The following ACTN1 variants were observed in gnomAD, a reference collection of about 807,000 sequenced individuals.
ACTN1 encodes alpha-actinin-1.
Under a neutral mutation model 119.6 loss-of-function variants are expected in ACTN1, and 30 were observed. That is an observed-to-expected ratio of 0.25 (90% CI 0.19 to 0.34). The LOEUF is 0.34. Ranked by LOEUF, ACTN1 falls within the 10% of genes least tolerant of loss-of-function variation. The pLI is 1.00. For synonymous variants in ACTN1, 429 were observed against 472.6 expected (o/e 0.91, Z 1.20); for missense variants, 764 against 1,223.4 (o/e 0.62, Z 5.60).
chr14:68,975,405 C>T (rs10143111), intron 1 of ACTN1, among the ~76,000 whole-genome samples: 3,069 of 152,218 alleles, frequency 0.02, 74 homozygotes, highest in African/African-American at 0.059. Flanking sequence ...CATATCTGCT[C>T]GCATCAAGCC....
At chr14:68,961,707 A>T (rs187460247) in intron 1 of ACTN1, among the ~76,000 whole-genome samples, 2 of 152,288 alleles carry the variant, frequency 1.3e-5, no homozygotes, top group East Asian at 3.9e-4. Flanking sequence ...TACCCCCGAC[A>T]TGTTCTGATC....
intron 1 of ACTN1, among the ~76,000 whole-genome samples, chr14:68,927,669 G>A (rs12434957): frequency 0.065 from 9,898 of 152,260 alleles, 417 homozygotes; most frequent in South Asian, 0.15. Flanking sequence ...GAAAGAGGAC[G>A]CAGCAGGACA....
intron 11 of ACTN1, chr14:68,888,088 G>T (rs2032172504): frequency 1.5e-6 from 1 of 684,802 alleles, no homozygotes; most frequent in South Asian, 1.4e-5. Context: ...TGGGCATCCT[G>T]GCGGCAGGGA....
chr14:68,903,506 C>A (rs1405311334), intron 7 of ACTN1, among the ~76,000 whole-genome samples: 1 of 150,286 alleles, frequency 6.7e-6, no homozygotes, highest in African/African-American at 2.4e-5. Context: ...CACAGCACTC[C>A]AGCCTGGGTG....
chr14:68,926,253 TA>T (rs2034919191), intron 1 of ACTN1, among the ~76,000 whole-genome samples: 1 of 152,138 alleles, frequency 6.6e-6, no homozygotes, highest in African/African-American at 2.4e-5. Flanking sequence ...TGGGTGGGGA[TA>T]GGGGCACCCT....
intron 9 of ACTN1, 43 bp downstream of exon 9, chr14:68,893,612 G>A (rs1211617507): frequency 1.3e-6 from 2 of 1,583,522 alleles, no homozygotes; most frequent in African/African-American, 1.3e-5. Flanking sequence ...CTAGGGGACT[G>A]ACTCTTGCTA....
At position 68,921,124 on chromosome 14, in the gene ACTN1, A is replaced by G. The variant is rs1566639029; in HGVS notation, c.222T>C (p.Gly74=). 3 of 1,613,972 alleles carry G rather than the reference A, an allele frequency of 1.9e-6. No homozygotes were observed. The highest frequency in any genetic ancestry group is 2.5e-6 in the Non-Finnish European group (3 of 1,179,934). The change falls in exon 3 of 22, where the codon GGT becomes GGC. Residue 74 remains glycine, a splice_region_variant and synonymous_variant. Coordinates refer to ENST00000394419, the MANE Select transcript of ACTN1 (RefSeq NM_001130004.2). ...KLMLLLEVIS[G]ERLAKPERGK... ...CTCGCTCTGGCTTGGCCAAGCGTTC[A>G]CCTGTTTGGATCAAGAGGGAGGAAG...
chr14:68,923,564 C>T (rs951417524), intron 2 of ACTN1, among the ~76,000 whole-genome samples: 3 of 152,020 alleles, frequency 2.0e-5, no homozygotes, highest in Non-Finnish European at 4.4e-5. Flanking sequence ...AATCCCAGCG[C>T]TTTGGGAGGC....
At position 68,934,819 on chromosome 14, in the gene ACTN1, T is replaced by C. The variant is rs575147808; in HGVS notation, c.106-9147A>G. Reference sequence around the variant, plus strand: ...CTATGTTACTATGAAAAAAACTGCTTATATATAATTAACCAAAAAAAGCAG... The same window carrying C: ...CTATGTTACTATGAAAAAAACTGCTCATATATAATTAACCAAAAAAAGCAG... On this transcript the variant is annotated intron_variant, in intron 1 of 21. Coordinates refer to ENST00000394419, the MANE Select transcript of ACTN1 (RefSeq NM_001130004.2). Among the ~76,000 whole-genome samples, 108 of 152,256 alleles carry C rather than the reference T, an allele frequency of 7.1e-4. 2 individuals carry two copies. In the South Asian group the frequency reaches 0.022, roughly 31 times the overall value.
At chr14:68,884,427 G>C in intron 13 of ACTN1, 119 bp from the exon 14 acceptor site, 1 of 1,233,650 alleles carries the variant, frequency 8.1e-7, no homozygotes, top group South Asian at 1.5e-5. Flanking sequence ...CAGGCAGAAA[G>C]AACAAGCTCT....
intron 11 of ACTN1, among the ~76,000 whole-genome samples, chr14:68,889,066 T>A (rs2032264356): frequency 6.6e-6 from 1 of 152,138 alleles, no homozygotes; most frequent in South Asian, 2.1e-4. Flanking sequence ...GGCCAATAGG[T>A]CTGTCCCACG....
At chr14:68,944,804 A>G (rs1231201635) in intron 1 of ACTN1, among the ~76,000 whole-genome samples, 1 of 152,246 alleles carries the variant, frequency 6.6e-6, no homozygotes, top group African/African-American at 2.4e-5. Flanking sequence ...CAGGGGGTCT[A>G]CTAATAATTA....
At position 68,874,551 on chromosome 14, in the gene ACTN1, A is replaced by G. The variant is rs2030617023; in HGVS notation, c.*308T>C. On this transcript the variant is annotated 3_prime_UTR_variant, in exon 22 of 22. Coordinates refer to ENST00000394419, the MANE Select transcript of ACTN1 (RefSeq NM_001130004.2). ...CTTGGTTATTTTCCTATGTCGCAAC[A>G]AAACAAGACATTTCGGTGCAAATAG... 1 of 243,178 alleles carries G rather than the reference A, an allele frequency of 4.1e-6. No homozygotes were observed. Among genetic ancestry groups the G allele is most frequent in the African/African-American group, 2.2e-5 (1 of 44,852 alleles). The allele number at this position is 243,178 out of a possible 1,614,324, so 15.1% of individuals were successfully genotyped here.
At chr14:68,898,292 G>A (rs1333088550) in intron 8 of ACTN1, among the ~76,000 whole-genome samples, 1 of 152,208 alleles carries the variant, frequency 6.6e-6, no homozygotes, top group East Asian at 1.9e-4. Flanking sequence ...GGAAGAGGAG[G>A]GGAGAGGGAA....
rs772586971 is a variant in ACTN1 at position 68,882,038 on chromosome 14, C to T, written c.1953+420G>A. ...GCAATCTCCGTCTCCCGGGTTCAAGCGATTCTCCTGCCTCAGGCTCCCAAG... is the reference window on the plus strand; with the variant it reads ...GCAATCTCCGTCTCCCGGGTTCAAGTGATTCTCCTGCCTCAGGCTCCCAAG... On this transcript the variant is annotated intron_variant, in intron 16 of 21. Transcript: ENST00000394419. This position sits in a 1 kb window ranked among gnomAD's most constrained non-coding sequence, Gnocchi z 4.5. 2.0e-5 allele frequency among the ~76,000 whole-genome samples: 3 copies of T among 150,380 alleles called. No homozygotes were observed. Among genetic ancestry groups the T allele is most frequent in the East Asian group, 2.0e-4 (1 of 5,128 alleles).
intron 1 of ACTN1, among the ~76,000 whole-genome samples, chr14:68,973,121 G>A (rs2036945306): frequency 6.6e-6 from 1 of 152,134 alleles, no homozygotes; most frequent in Admixed American, 6.5e-5. Flanking sequence ...AGGAGGGAAA[G>A]CAGGAGAGGC....
intron 1 of ACTN1, among the ~76,000 whole-genome samples, chr14:68,926,024 GAC>G (rs1218548899): frequency 2.0e-5 from 3 of 152,178 alleles, no homozygotes; most frequent in African/African-American, 7.2e-5. Context: ...TAAGTTATAA[GAC>G]TTAGTTTCAA....
chr14:68,901,249 G>GTTTTTTT (rs564351239), intron 8 of ACTN1, among the ~76,000 whole-genome samples: 3 of 103,498 alleles, frequency 2.9e-5, no homozygotes, highest in Admixed American at 1.1e-4. Context: ...TTTTTGTTTT[G>GTTTTTTT]TTTTTTTTTT....
chr14:68,939,786 T>A (rs986540880), intron 1 of ACTN1, among the ~76,000 whole-genome samples: 5 of 152,260 alleles, frequency 3.3e-5, no homozygotes, highest in African/African-American at 1.2e-4. Context: ...GGTATGTGAA[T>A]GACATCTCAA....
Sources: gnomAD v4.1 joint callset for allele counts (sites outside exome capture counted in the v4.1 genomes callset) on GRCh38, gnomAD v4.1.1 for gene constraint, Gnocchi (gnomAD v3.1) non-coding constraint, MANE v1.5 for transcripts, NCBI Gene and HGNC (gene_info 2026-07-23, HGNC 2026-07-21) for gene names.